Variants in GALNTL6 observed in about 807,000 individuals in gnomAD.
GALNTL6 encodes the protein polypeptide N-acetylgalactosaminyltransferase like 6.
A neutral mutation model predicts 73.7 loss-of-function variants in GALNTL6; 46 were observed. That is an observed-to-expected ratio of 0.62 (90% CI 0.49 to 0.80). The LOEUF is 0.80. GALNTL6 is among the 30% of genes least tolerant of loss of function. The pLI is 0.00. For missense variants in GALNTL6, 604 were observed against 755.0 expected (o/e 0.80, Z 2.34); for synonymous variants, 259 against 263.7 (o/e 0.98, Z 0.17).
chr4:172,690,752 C>T (rs987209144), intron 5 of GALNTL6, among the ~76,000 whole-genome samples: 12 of 152,174 alleles, frequency 7.9e-5, no homozygotes, highest in Non-Finnish European at 1.3e-4. Context: ...CTCAACTAAC[C>T]TGAAAATTTA....
chr4:172,943,948 A>G (rs1749032786), intron 9 of GALNTL6, among the ~76,000 whole-genome samples: 1 of 152,226 alleles, frequency 6.6e-6, no homozygotes, highest in Admixed American at 6.5e-5. Flanking sequence ...CCAGAGAAGT[A>G]AATAAACATC....
intron 5 of GALNTL6, among the ~76,000 whole-genome samples, chr4:172,649,687 A>G (rs1740390194): frequency 6.6e-6 from 1 of 152,216 alleles, no homozygotes; most frequent in South Asian, 2.1e-4. Flanking sequence ...ATGTATATAT[A>G]ATAAGTTAAT....
intron 5 of GALNTL6, among the ~76,000 whole-genome samples, chr4:172,713,932 A>T (rs1734884944): frequency 6.6e-6 from 1 of 152,006 alleles, no homozygotes; most frequent in African/African-American, 2.4e-5. Flanking sequence ...AAACTGAGGG[A>T]CTTGATGGGT....
intron 2 of GALNTL6, among the ~76,000 whole-genome samples, chr4:171,912,301 G>A (rs1302487522): frequency 2.6e-5 from 4 of 152,064 alleles, no homozygotes; most frequent in Non-Finnish European, 1.5e-5. Flanking sequence ...TGCTGCAGTA[G>A]GAGTGTGACA....
At chr4:171,868,257 G>A (rs1736027848) in intron 2 of GALNTL6, among the ~76,000 whole-genome samples, 1 of 152,148 alleles carries the variant, frequency 6.6e-6, no homozygotes, top group South Asian at 2.1e-4. Flanking sequence ...CCAAAATGCT[G>A]AGATTACAAG....
chr4:172,714,668 A>G lies in GALNTL6; in HGVS notation c.554-94693A>G, dbSNP rs563055471. 4.6e-5 allele frequency among the ~76,000 whole-genome samples: 7 copies of G among 152,282 alleles called. No homozygotes were observed. The South Asian group carries it at 1.5e-3, about 32-fold the overall frequency. ...GTCTTTTTAGTATACTTTAAGTTTT[A>G]GGGTACATGTGCAGAACCTTTCAAT... is the stretch of plus-strand genomic sequence containing the variant. On this transcript the variant is annotated intron_variant, in intron 5 of 12. Transcript: ENST00000506823.
chr4:172,168,905 A>G (rs1734723164), intron 2 of GALNTL6, among the ~76,000 whole-genome samples: 2 of 152,028 alleles, frequency 1.3e-5, no homozygotes, highest in South Asian at 4.1e-4. Flanking sequence ...AGGATATGAT[A>G]GTATATCATA....
chr4:172,356,342 C>T (rs553194617), intron 5 of GALNTL6, among the ~76,000 whole-genome samples: 1 of 152,228 alleles, frequency 6.6e-6, no homozygotes, highest in Non-Finnish European at 1.5e-5. Context: ...TTCCTCTTGT[C>T]AGCAAACCTC....
chr4:172,624,772 T>A (rs6553638), intron 5 of GALNTL6, among the ~76,000 whole-genome samples: 55,989 of 149,574 alleles, frequency 0.37, 11,335 homozygotes, highest in African/African-American at 0.52. Flanking sequence ...GTTTTTTTTT[T>A]ATTTTTTTGT....
intron 2 of GALNTL6, among the ~76,000 whole-genome samples, chr4:171,983,793 G>A (rs1739986022): frequency 6.6e-6 from 1 of 152,176 alleles, no homozygotes; most frequent in African/African-American, 2.4e-5. Context: ...CTTCTTGGCT[G>A]CCTTTGCTTC....
chr4:172,813,722 G>T lies in GALNTL6; in HGVS notation c.922G>T (p.Glu308Ter). 6.3e-7 allele frequency: 1 copy of T among 1,589,804 alleles called. No homozygotes were observed. The highest frequency in any genetic ancestry group is 1.1e-5 in the South Asian group (1 of 89,088). The change falls in exon 7 of 13, where the codon GAG becomes TAG. Residue 308 changes from glutamate (E) to a stop codon, truncating the protein, a stop_gained and splice_region_variant. Coordinates refer to ENST00000506823, the MANE Select transcript of GALNTL6 (RefSeq NM_001034845.3). LOFTEE classifies it high-confidence loss of function. Reference sequence around the variant, plus strand: ...GAGGGCAGATCCCAGCGACCCTTTTGAGTGAGTAGCAGCCAAGGGAGGGGC... The same window carrying T: ...GAGGGCAGATCCCAGCGACCCTTTTTAGTGAGTAGCAGCCAAGGGAGGGGC... ...LQRADPSDPF[E>*]SPVMAGGLFA...
intron 5 of GALNTL6, among the ~76,000 whole-genome samples, chr4:172,773,259 G>A (rs1738881054): frequency 6.6e-6 from 1 of 152,078 alleles, no homozygotes; most frequent in South Asian, 2.1e-4. Flanking sequence ...CAGTACAGTG[G>A]CACGATCATA....
Position 172,240,390 on chromosome 4 carries a change from A to T in GALNTL6, c.247+10626A>T, listed in dbSNP as rs903467656. ...AGGCACTCACCATCATGCCCGGCTA[A>T]TTTTTTTTTTTTTGTATTTTTTAGT... On this transcript the variant is annotated intron_variant, in intron 3 of 12. Coordinates refer to ENST00000506823, the MANE Select transcript of GALNTL6 (RefSeq NM_001034845.3). 3.0e-4 allele frequency among the ~76,000 whole-genome samples: 44 copies of T among 144,360 alleles called. 1 individual carries two copies. The highest frequency in any genetic ancestry group is 1.1e-3 in the African/African-American group (43 of 39,744). 94.7% of individuals were successfully genotyped at this position (144,360 alleles called of 152,430 possible). A position where few individuals can be genotyped will look rare whatever the true frequency, so the allele number is the denominator to read the frequency against.
chr4:172,403,106 A>C (rs1237016961), intron 5 of GALNTL6, among the ~76,000 whole-genome samples: 1 of 152,038 alleles, frequency 6.6e-6, no homozygotes, highest in Non-Finnish European at 1.5e-5. Flanking sequence ...TTGTTCAAAG[A>C]TATGGCATTG....
intron 2 of GALNTL6, among the ~76,000 whole-genome samples, chr4:172,028,806 A>G (rs1741676231): frequency 6.6e-6 from 1 of 152,038 alleles, no homozygotes. Context: ...CTGAAGTTCT[A>G]TGGAAAAAGA....
At chr4:172,108,200 T>C (rs536517983) in intron 2 of GALNTL6, among the ~76,000 whole-genome samples, 2 of 152,306 alleles carry the variant, frequency 1.3e-5, no homozygotes, top group East Asian at 1.9e-4. Context: ...ATGAGTGTCA[T>C]TGCAACCATC....
In GALNTL6 at chr4:172,896,374, C is replaced by A. The variant is rs114873071; in HGVS notation, c.1041+13467C>A. ...AAATAACCCCCTAAGCCCAGGCATT[C>A]TACAAGTCTTTAAAGGACTCTCAGG... On this transcript the variant is annotated intron_variant, in intron 8 of 12. Transcript: ENST00000506823. Among the ~76,000 whole-genome samples the A allele has an allele frequency of 6.1e-3, 925 of 152,304 alleles. 8 individuals carry two copies. Among genetic ancestry groups the A allele is most frequent in the African/African-American group, 0.021 (862 of 41,562 alleles).
At chr4:172,475,342 G>T (rs1229252624) in intron 5 of GALNTL6, among the ~76,000 whole-genome samples, 1 of 152,018 alleles carries the variant, frequency 6.6e-6, no homozygotes, top group East Asian at 1.9e-4. Context: ...GATACGATCA[G>T]GTAATTGGAA....
chr4:172,249,777 C>T (rs1384342941), intron 3 of GALNTL6, among the ~76,000 whole-genome samples: 1 of 151,944 alleles, frequency 6.6e-6, no homozygotes, highest in Admixed American at 6.6e-5. Context: ...TCTCAGAAGA[C>T]AAGAATTGAG....
Sources: gnomAD v4.1 joint callset for allele counts (sites outside exome capture counted in the v4.1 genomes callset) on GRCh38, gnomAD v4.1.1 for gene constraint, MANE v1.5 for transcripts, NCBI Gene and HGNC (gene_info 2026-07-23, HGNC 2026-07-21) for gene names.